STRADA: variants seen among roughly 807,000 people sequenced by gnomAD.
STRADA encodes the protein STE20 related adaptor alpha, also known as STE20-related kinase adapter protein alpha.
In STRADA, 26 loss-of-function variants were observed where a neutral mutation model predicts 55.0. The observed-to-expected ratio is 0.47, with a 90% CI of 0.35 to 0.66. STRADA has a LOEUF of 0.66. Ranked by LOEUF, STRADA falls within the 30% of genes least tolerant of loss-of-function variation. The probability of loss-of-function intolerance (pLI) is 0.01; values close to 1 mark genes in which losing one functional copy is unlikely to be tolerated. For missense variants in STRADA, 443 were observed against 549.7 expected, an observed-to-expected ratio of 0.81 and a Z score of 1.94; for synonymous variants, 197 against 210.9, an observed-to-expected ratio of 0.93 and a Z score of 0.57.
intron 3 of STRADA, 99 bp from the exon 4 acceptor site, chr17:63,723,425 T>C (rs1598222826): frequency 7.0e-7 from 1 of 1,435,142 alleles, no homozygotes; most frequent in South Asian, 1.2e-5. Flanking sequence ...CATTTATTAA[T>C]AGAAACCACT....
intron 1 of STRADA, among the ~76,000 whole-genome samples, chr17:63,733,097 C>T (rs1402493265): frequency 1.3e-5 from 2 of 152,170 alleles, no homozygotes; most frequent in African/African-American, 4.8e-5. Flanking sequence ...ACCATGTTGG[C>T]CAGGCTAATC....
At chr17:63,740,105 T>TATAC (rs1190877120) in intron 1 of STRADA, among the ~76,000 whole-genome samples, 2 of 56,666 alleles carry the variant, frequency 3.5e-5, no homozygotes, top group Non-Finnish European at 6.3e-5. Context: ...TATATATATA[T>TATAC]ATACATACAT....
intron 1 of STRADA, among the ~76,000 whole-genome samples, chr17:63,739,791 GTACA>G (rs1309798043): frequency 1.6e-5 from 1 of 64,350 alleles, no homozygotes; most frequent in Non-Finnish European, 3.1e-5. Context: ...TACATATAAT[GTACA>G]TAATTATATG....
At chr17:63,731,955 C>T (rs2038089166) in intron 1 of STRADA, among the ~76,000 whole-genome samples, 1 of 152,162 alleles carries the variant, frequency 6.6e-6, no homozygotes, top group African/African-American at 2.4e-5. Flanking sequence ...ACCTCTGCTT[C>T]CCAGGTTCAC....
intron 4 of STRADA, among the ~76,000 whole-genome samples, chr17:63,720,967 A>C (rs1328907365): frequency 6.6e-6 from 1 of 151,190 alleles, no homozygotes; most frequent in Non-Finnish European, 1.5e-5. Flanking sequence ...GTGGTGGCAC[A>C]TGTCTGTAAT....
intron 1 of STRADA, among the ~76,000 whole-genome samples, chr17:63,732,991 G>A (rs1367474564): frequency 6.6e-6 from 1 of 152,062 alleles, no homozygotes; most frequent in Non-Finnish European, 1.5e-5. Context: ...AGGTTCATGC[G>A]ATTCTCCTGC....
At chr17:63,731,811 G>A (rs935831909) in intron 1 of STRADA, among the ~76,000 whole-genome samples, 1 of 152,030 alleles carries the variant, frequency 6.6e-6, no homozygotes, top group African/African-American at 2.4e-5. Context: ...TGCAAAAAAA[G>A]TTTCTATGGT....
In STRADA at chr17:63,707,308, T is replaced by A. The variant is rs2036162489; in HGVS notation, c.692A>T (p.His231Leu). The A allele has an allele frequency of 1.2e-6, 2 of 1,614,200 alleles. No homozygotes were observed. The highest frequency in any genetic ancestry group is 1.7e-6 in the Non-Finnish European group (2 of 1,180,016). The change falls in exon 9 of 13, where the codon CAC becomes CTC. Residue 231 changes from histidine to leucine, a missense_variant. Physicochemically the swap from His to Leu is moderately conservative, Grantham distance 99. Transcript: ENST00000336174. ...ISHGQRQRVVHDFPKYSVKVL... is the reference protein window; with the variant it reads ...ISHGQRQRVVLDFPKYSVKVL... The stretch of plus-strand genomic sequence containing the variant: ...CTTGACACTGTACTTGGGAAAATCG[T>A]GGACCACTCGCTGCCGCTGCCCATG...
At position 63,713,487 on chromosome 17, in the gene STRADA, C is replaced by T. The variant is rs2036643675; in HGVS notation, c.267G>A (p.Arg89=). The T allele has an allele frequency of 1.9e-6, 3 of 1,614,152 alleles. No individual in the cohort carries two copies. Among genetic ancestry groups the T allele is most frequent in the Non-Finnish European group, 2.5e-6 (3 of 1,180,036 alleles). The change falls in exon 6 of 13, where the codon AGG becomes AGA. Residue 89 remains arginine (R), a synonymous_variant. Coordinates refer to ENST00000336174, the MANE Select transcript of STRADA (RefSeq NM_001003787.4). ...FEDLMTVNLA[R]YKPTGEYVTV... ...TCACGTACTCTCCTGTTGGTTTGTA[C>T]CTTGCTAGATTCACAGTCATCAGGT...
chr17:63,733,506 A>G (rs528972785), intron 1 of STRADA, among the ~76,000 whole-genome samples: 2 of 152,262 alleles, frequency 1.3e-5, no homozygotes, highest in East Asian at 1.9e-4. Flanking sequence ...TCCCATTCCC[A>G]TATCTCTCAA....
At chr17:63,713,273 C>T in intron 6 of STRADA, 133 bp downstream of exon 6, 1 of 1,242,556 alleles carries the variant, frequency 8.0e-7, no homozygotes, top group South Asian at 1.6e-5. Flanking sequence ...TGCCAAATGG[C>T]CAGGATTCTC....
intron 9 of STRADA, 87 bp downstream of exon 9, chr17:63,707,160 G>A: frequency 6.5e-7 from 1 of 1,550,072 alleles, no homozygotes; most frequent in Non-Finnish European, 8.8e-7. Flanking sequence ...CTGGGAGGTT[G>A]AGAGCCCCCG....
At position 63,704,033 on chromosome 17, in the gene STRADA, G is replaced by T; in HGVS notation, c.1115C>A (p.Thr372Asn). ...RNPDARPSAS[T>N]LLNHSFFKQI... Reference sequence around the variant, plus strand: ...CTTGAAGAAAGAGTGGTTCAGGAGGGTGCTGGCACTGGGCCTGGAGGGAAA... The same window carrying T: ...CTTGAAGAAAGAGTGGTTCAGGAGGTTGCTGGCACTGGGCCTGGAGGGAAA... The change falls in exon 12 of 13, where the codon ACC becomes AAC. Residue 372 changes from threonine (T) to asparagine (N), a missense_variant. Physicochemically the swap from Thr to Asn is moderately conservative, Grantham distance 65. Transcript: ENST00000336174. 6.2e-7 allele frequency: 1 copy of T among 1,614,016 alleles called. No individual in the cohort carries two copies. The highest frequency in any genetic ancestry group is 2.2e-5 in the East Asian group (1 of 44,872).
At chr17:63,721,262 C>T (rs1280453666) in intron 4 of STRADA, among the ~76,000 whole-genome samples, 1 of 151,924 alleles carries the variant, frequency 6.6e-6, no homozygotes, top group East Asian at 1.9e-4. Flanking sequence ...GTCCCAGCTA[C>T]TCGGGAGGCT....
In STRADA at chr17:63,728,341, C is replaced by G. The variant is rs751121350; in HGVS notation, c.29G>C (p.Arg10Pro). The G allele has an allele frequency of 6.2e-7, 1 of 1,613,188 alleles. No homozygotes were observed. The highest frequency in any genetic ancestry group is 8.5e-7 in the Non-Finnish European group (1 of 1,179,776). MSFLVSKPE[R>P]IRRWVSEKFI... ...GAATAGAAAAACACTCACCCTGATT[C>G]GCTCTGGTTTACTTACAAGAAATGA... Residue 10 changes from arginine (R) to proline (P), a missense_variant, in exon 2 of 13, where the codon CGA becomes CCA. Coordinates refer to ENST00000336174, the MANE Select transcript of STRADA (RefSeq NM_001003787.4).
chr17:63,734,001 T>C (rs1183381465), intron 1 of STRADA, among the ~76,000 whole-genome samples: 2 of 152,224 alleles, frequency 1.3e-5, no homozygotes, highest in East Asian at 3.8e-4. Context: ...AAATAAATCC[T>C]AGCCATGAAT....
At chr17:63,740,221 G>A (rs1310437027) in intron 1 of STRADA, among the ~76,000 whole-genome samples, 1 of 147,404 alleles carries the variant, frequency 6.8e-6, no homozygotes, top group African/African-American at 2.5e-5. Context: ...CATAGAAATA[G>A]CTTTATTGGC....
At chr17:63,704,132 G>T (rs1045997354) in intron 11 of STRADA, 85 bp from the exon 12 acceptor site, 19 of 1,565,208 alleles carry the variant, frequency 1.2e-5, no homozygotes, top group African/African-American at 8.1e-5. Context: ...CTCAGCCTCG[G>T]GTCCCCTCTC....
chr17:63,727,061 C>T (rs2037710641), intron 2 of STRADA: 1 of 221,036 alleles, frequency 4.5e-6, no homozygotes, highest in African/African-American at 2.3e-5. Flanking sequence ...ATTCATAACA[C>T]AGAAAACAGA....
Sources: allele counts gnomAD v4.1 joint callset (sites outside exome capture counted in the v4.1 genomes callset), GRCh38; gene constraint gnomAD v4.1.1; transcripts MANE v1.5; gene names NCBI Gene and HGNC (gene_info 2026-07-23, HGNC 2026-07-21).